The following ADK variants were observed in gnomAD, a reference collection of about 807,000 sequenced individuals.
ADK encodes N6,N6-dimethyladenosine kinase.
A neutral mutation model predicts 44.7 loss-of-function variants in ADK; 24 were observed. The observed-to-expected ratio is 0.54, with a 90% CI of 0.39 to 0.76. The LOEUF (loss-of-function observed/expected upper bound fraction) is 0.76, where lower values mean the gene tolerates loss of function less well. Ranked by LOEUF, ADK falls within the 30% of genes least tolerant of loss-of-function variation. The pLI, the probability that ADK is intolerant of heterozygous loss-of-function variation, is 0.00. For missense variants in ADK, 321 were observed against 425.1 expected, an observed-to-expected ratio of 0.76 and a Z score of 2.15; for synonymous variants, 128 against 142.6, an observed-to-expected ratio of 0.90 and a Z score of 0.73.
chr10:74,708,637 A>G lies in ADK; in HGVS notation c.*192A>G, dbSNP rs940023377. 1.2e-5 allele frequency: 7 copies of G among 568,060 alleles called. No homozygotes were observed. The highest frequency in any genetic ancestry group is 6.1e-5 in the South Asian group (3 of 49,184). 35.2% of individuals were successfully genotyped at this position (568,060 alleles called of 1,614,324 possible). ...TATTATCTCAACAATCTAAAAAATG[A>G]TGTTTATTTCCATAGTTTGATAGTG... On this transcript the variant is annotated 3_prime_UTR_variant, in exon 11 of 11. Transcript: ENST00000539909.
At chr10:74,654,472 A>G (rs141655287) in intron 9 of ADK, among the ~76,000 whole-genome samples, 2 of 152,366 alleles carry the variant, frequency 1.3e-5, no homozygotes, top group African/African-American at 2.4e-5. Flanking sequence ...AATCCCACCT[A>G]TGTCACTTAG....
chr10:74,375,354 C>T (rs1045209074), intron 4 of ADK, among the ~76,000 whole-genome samples: 1 of 151,968 alleles, frequency 6.6e-6, no homozygotes, highest in Admixed American at 6.6e-5. Context: ...TTTTCATTTG[C>T]CATTCTTTGG....
At chr10:74,586,535 A>G (rs1438466000) in intron 7 of ADK, among the ~76,000 whole-genome samples, 2 of 152,170 alleles carry the variant, frequency 1.3e-5, no homozygotes, top group Admixed American at 6.5e-5. Flanking sequence ...TCCATACCAT[A>G]ACAGATCACA....
chr10:74,705,924 A>G (rs994351228), intron 10 of ADK, among the ~76,000 whole-genome samples: 5 of 152,180 alleles, frequency 3.3e-5, no homozygotes, highest in Admixed American at 6.5e-5. Flanking sequence ...TTTGGCATCT[A>G]TCTTCTTTGC....
At chr10:74,467,281 A>T (rs528881089) in intron 6 of ADK, among the ~76,000 whole-genome samples, 25 of 152,276 alleles carry the variant, frequency 1.6e-4, no homozygotes, top group African/African-American at 5.5e-4. Flanking sequence ...TACTGGTGCA[A>T]GCCTATATCT....
intron 7 of ADK, among the ~76,000 whole-genome samples, chr10:74,542,719 CA>C (rs1207215713): frequency 6.6e-6 from 1 of 151,962 alleles, no homozygotes; most frequent in Non-Finnish European, 1.5e-5. Flanking sequence ...TCTTTTAGCA[CA>C]AATTAGCAGC....
chr10:74,673,209 G>A (rs950628778), intron 10 of ADK, among the ~76,000 whole-genome samples: 19 of 152,222 alleles, frequency 1.2e-4, no homozygotes, highest in Admixed American at 6.5e-4. Flanking sequence ...GTAGTCCCTG[G>A]TGAGTTTCAA....
chr10:74,513,324 A>G (rs1848421918), intron 6 of ADK, among the ~76,000 whole-genome samples: 1 of 152,130 alleles, frequency 6.6e-6, no homozygotes, highest in African/African-American at 2.4e-5. Flanking sequence ...TTGTCTACAT[A>G]ATCTGCCCAG....
At chr10:74,288,599 G>A (rs1346151378) in intron 3 of ADK, among the ~76,000 whole-genome samples, 1 of 151,594 alleles carries the variant, frequency 6.6e-6, no homozygotes, top group Non-Finnish European at 1.5e-5. Context: ...GTAGTGAGCC[G>A]AGATCACACC....
At chr10:74,665,255 A>G (rs2134180842) in intron 9 of ADK, among the ~76,000 whole-genome samples, 1 of 152,336 alleles carries the variant, frequency 6.6e-6, no homozygotes, top group Admixed American at 6.5e-5. Context: ...GAAACAAACA[A>G]AAACATTTTA....
intron 7 of ADK, among the ~76,000 whole-genome samples, chr10:74,543,295 T>G (rs909473372): frequency 8.6e-5 from 13 of 152,016 alleles, no homozygotes; most frequent in Non-Finnish European, 1.6e-4. Flanking sequence ...CCTCCTGCAA[T>G]CCTTCTGCCT....
At chr10:74,667,814 T>G (rs1855019032) in intron 9 of ADK, among the ~76,000 whole-genome samples, 1 of 152,138 alleles carries the variant, frequency 6.6e-6, no homozygotes, top group Non-Finnish European at 1.5e-5. Flanking sequence ...ATTACAGATG[T>G]GAGCCACCAT....
At chr10:74,448,515 G>A (rs538636165) in intron 6 of ADK, among the ~76,000 whole-genome samples, 3 of 152,068 alleles carry the variant, frequency 2.0e-5, no homozygotes, top group African/African-American at 7.2e-5. Flanking sequence ...TTTATTACAT[G>A]CAATTTCATC....
chr10:74,169,146 G>T (rs1422903321), intron 1 of ADK, among the ~76,000 whole-genome samples: 1 of 152,014 alleles, frequency 6.6e-6, no homozygotes, highest in East Asian at 1.9e-4. Flanking sequence ...TCGAGCCTGG[G>T]AGGCGGAAGT....
intron 4 of ADK, among the ~76,000 whole-genome samples, chr10:74,347,085 C>CTG (rs60823879): frequency 3.2e-5 from 4 of 123,292 alleles, no homozygotes; most frequent in South Asian, 2.6e-4. Context: ...CCAGCCTGGG[C>CTG]GACAGAGCGA....
chr10:74,360,225 A>G (rs1211867664), intron 4 of ADK, among the ~76,000 whole-genome samples: 1 of 151,988 alleles, frequency 6.6e-6, no homozygotes, highest in Non-Finnish European at 1.5e-5. Context: ...TACATTTCTT[A>G]TAAGAACATT....
At chr10:74,388,247 T>A (rs1259017326) in intron 4 of ADK, among the ~76,000 whole-genome samples, 1 of 152,206 alleles carries the variant, frequency 6.6e-6, no homozygotes, top group Non-Finnish European at 1.5e-5. Flanking sequence ...CCTTAAAAGA[T>A]CATAGGTTAT....
At chr10:74,604,964 T>A (rs1269257739) in intron 9 of ADK, among the ~76,000 whole-genome samples, 1 of 152,224 alleles carries the variant, frequency 6.6e-6, no homozygotes, top group Non-Finnish European at 1.5e-5. Context: ...TTCACATCCC[T>A]TGTAAGTTGT....
chr10:74,364,628 A>C (rs1382804429), intron 4 of ADK, among the ~76,000 whole-genome samples: 1 of 147,050 alleles, frequency 6.8e-6, no homozygotes, highest in Non-Finnish European at 1.5e-5. Flanking sequence ...GGCAATTCCT[A>C]CTCTTACAGC....
Sources: gnomAD v4.1 joint callset for allele counts (sites outside exome capture counted in the v4.1 genomes callset) on GRCh38, gnomAD v4.1.1 for gene constraint, MANE v1.5 for transcripts, NCBI Gene and HGNC (gene_info 2026-07-23, HGNC 2026-07-21) for gene names.